The following GLCCI1 variants were observed in gnomAD, a reference collection of about 807,000 sequenced individuals.
GLCCI1 encodes the protein glucocorticoid induced 1, also known as glucocorticoid-induced transcript 1 protein.
In GLCCI1, 24 loss-of-function variants were observed where a neutral mutation model predicts 52.2. The observed-to-expected ratio is 0.46, with a 90% CI of 0.33 to 0.65. The LOEUF is 0.65. Ranked by LOEUF, GLCCI1 falls within the 30% of genes least tolerant of loss-of-function variation. GLCCI1 has a pLI of 0.02. For missense variants in GLCCI1, 704 were observed against 701.5 expected (o/e 1.00, Z -0.04); for synonymous variants, 310 against 276.5 (o/e 1.12, Z -1.20).
intron 1 of GLCCI1, among the ~76,000 whole-genome samples, chr7:7,971,218 A>C (rs1318904688): frequency 6.6e-6 from 1 of 152,212 alleles, no homozygotes; most frequent in Non-Finnish European, 1.5e-5. Flanking sequence ...GCTGCTGCAG[A>C]AACTGACATC....
chr7:8,039,869 C>G (rs564117518), intron 3 of GLCCI1, among the ~76,000 whole-genome samples: 3 of 151,952 alleles, frequency 2.0e-5, no homozygotes, highest in Non-Finnish European at 4.4e-5. Context: ...TGGTAGCGGG[C>G]TCCTGTAATC....
intron 6 of GLCCI1, among the ~76,000 whole-genome samples, chr7:8,076,261 C>T (rs1295157979): frequency 6.6e-6 from 1 of 152,144 alleles, no homozygotes; most frequent in Non-Finnish European, 1.5e-5. Flanking sequence ...AGAGCTACCA[C>T]ACCTTGAAAA....
intron 1 of GLCCI1, among the ~76,000 whole-genome samples, chr7:7,992,107 TTC>T (rs60234956): frequency 0.42 from 59,132 of 141,064 alleles, 12,526 homozygotes; most frequent in Middle Eastern, 0.51. Context: ...TTCTGTCTGT[TTC>T]TCTCTCTCTC....
rs1780793865 is a variant in GLCCI1 at position 7,989,212 on chromosome 7, G to A, written c.458-14696G>A. 3.3e-5 allele frequency among the ~76,000 whole-genome samples: 5 copies of A among 152,110 alleles called. No individual in the cohort carries two copies. The East Asian group carries it at 9.6e-4, about 29-fold the overall frequency. On this transcript the variant is annotated intron_variant, in intron 1 of 7. Transcript: ENST00000223145. Reference sequence around the variant, plus strand: ...AGCGGCTAGCATTACCACCCTTACTGTACTTTAGAGTTTGAAGAAGGTAGT... The same window carrying A: ...AGCGGCTAGCATTACCACCCTTACTATACTTTAGAGTTTGAAGAAGGTAGT...
intron 3 of GLCCI1, among the ~76,000 whole-genome samples, chr7:8,043,310 C>G (rs1782043782): frequency 6.7e-6 from 1 of 149,878 alleles, no homozygotes; most frequent in African/African-American, 2.5e-5. Context: ...AAAAGTATGC[C>G]TTCATTCAAC....
At chr7:8,054,726 G>A (rs1270861956) in intron 3 of GLCCI1, among the ~76,000 whole-genome samples, 1 of 151,944 alleles carries the variant, frequency 6.6e-6, no homozygotes, top group Non-Finnish European at 1.5e-5. Flanking sequence ...AATATTAAAT[G>A]ACTACCCCCA....
At chr7:8,026,098 C>T (rs1781613393) in intron 3 of GLCCI1, among the ~76,000 whole-genome samples, 1 of 152,032 alleles carries the variant, frequency 6.6e-6, no homozygotes, top group Admixed American at 6.6e-5. Flanking sequence ...ATAGCAGGTA[C>T]ATGAAATATA....
intron 6 of GLCCI1, among the ~76,000 whole-genome samples, chr7:8,083,974 A>T (rs577624372): frequency 4.9e-4 from 74 of 152,326 alleles, no homozygotes; most frequent in African/African-American, 1.7e-3. Flanking sequence ...TTCCCAATAG[A>T]TGAAAATAAT....
chr7:8,066,903 G>A (rs1782642002), intron 5 of GLCCI1, among the ~76,000 whole-genome samples: 1 of 152,030 alleles, frequency 6.6e-6, no homozygotes, highest in Admixed American at 6.5e-5. Flanking sequence ...CAGTTCATTT[G>A]GTCAAGTGTT....
rs73674756 is a variant in GLCCI1 at position 7,975,511 on chromosome 7, A to G, written c.457+5704A>G. Reference sequence around the variant, plus strand: ...TCATTCCAGATCCAGTGTTCATTCCATAAGACTATGCTGTTGCTCCTAACT... The same window carrying G: ...TCATTCCAGATCCAGTGTTCATTCCGTAAGACTATGCTGTTGCTCCTAACT... On this transcript the variant is annotated intron_variant, in intron 1 of 7. Coordinates refer to ENST00000223145, the MANE Select transcript of GLCCI1 (RefSeq NM_138426.4). 8.9e-3 allele frequency among the ~76,000 whole-genome samples: 1,359 copies of G among 152,338 alleles called. 16 individuals are homozygous for G. Among genetic ancestry groups the G allele is most frequent in the African/African-American group, 0.029 (1,219 of 41,574 alleles).
intron 1 of GLCCI1, among the ~76,000 whole-genome samples, chr7:7,986,381 AGGG>A (rs35143945): frequency 6.6e-6 from 1 of 150,600 alleles, no homozygotes; most frequent in Admixed American, 6.6e-5. Flanking sequence ...GAGCAGGGGG[AGGG>A]GGGGGTGGCA....
intron 6 of GLCCI1, among the ~76,000 whole-genome samples, chr7:8,075,631 A>G (rs577182480): frequency 6.6e-6 from 1 of 152,382 alleles, no homozygotes; most frequent in African/African-American, 2.4e-5. Context: ...TGTAGACTTC[A>G]GTCAGCTACT....
At chr7:8,035,717 A>T in intron 3 of GLCCI1, among the ~76,000 whole-genome samples, 1 of 152,172 alleles carries the variant, frequency 6.6e-6, no homozygotes, top group Non-Finnish European at 1.5e-5. Context: ...TGCAGTGTGG[A>T]TATAGACAGT....
chr7:8,020,906 G>A (rs1298942418), intron 2 of GLCCI1, among the ~76,000 whole-genome samples: 4 of 152,088 alleles, frequency 2.6e-5, no homozygotes, highest in African/African-American at 9.7e-5. Context: ...TTCAGAGTAC[G>A]TCATCTTATC....
chr7:8,052,349 A>G (rs13223417), intron 3 of GLCCI1, among the ~76,000 whole-genome samples: 3,618 of 152,296 alleles, frequency 0.024, 71 homozygotes, highest in East Asian at 0.09. Context: ...ATTACAGTTT[A>G]TGGATTGAAT....
rs894335803 is a variant in GLCCI1 at position 8,022,385 on chromosome 7, A to AC, written c.610-97dup. 220 of 552,064 alleles carry AC rather than the reference A, an allele frequency of 4.0e-4. No homozygotes were observed. In the African/African-American group the frequency reaches 4.2e-3, roughly 11 times the overall value. The allele number at this position is 552,064 out of a possible 1,614,324, so 34.2% of individuals were successfully genotyped here. On this transcript the variant is annotated intron_variant, in intron 2 of 7. Transcript: ENST00000223145. ...TAAAGGATTTTAGTATAGCTCTCTA[A>AC]CTGGTAAGTGCTAAGAATTTTAAAT...
Position 8,009,317 on chromosome 7 carries a change from G to T in GLCCI1, c.609+5258G>T, listed in dbSNP as rs569270736. ...CTCAGTCTTCACCCCATAGTCTGAGGTGTAGTCTCTGGACAAATTTTAAAT... is the reference window on the plus strand; with the variant it reads ...CTCAGTCTTCACCCCATAGTCTGAGTTGTAGTCTCTGGACAAATTTTAAAT... On this transcript the variant is annotated intron_variant, in intron 2 of 7. Coordinates refer to ENST00000223145, the MANE Select transcript of GLCCI1 (RefSeq NM_138426.4). Among the ~76,000 whole-genome samples the T allele has an allele frequency of 5.9e-5, 9 of 152,270 alleles. 1 individual carries two copies. The South Asian group carries it at 1.9e-3, about 32-fold the overall frequency.
intron 5 of GLCCI1, among the ~76,000 whole-genome samples, chr7:8,064,956 T>C (rs766730269): frequency 6.6e-6 from 1 of 152,154 alleles, no homozygotes; most frequent in Non-Finnish European, 1.5e-5. Flanking sequence ...GACCGCGTGA[T>C]CTGCCCACCT....
At chr7:8,072,300 G>A (rs1418528842) in intron 6 of GLCCI1, among the ~76,000 whole-genome samples, 1 of 152,116 alleles carries the variant, frequency 6.6e-6, no homozygotes, top group Non-Finnish European at 1.5e-5. Flanking sequence ...GATATTAAAT[G>A]GAAGCTACTT....
Sources: gnomAD v4.1 joint callset for allele counts (sites outside exome capture counted in the v4.1 genomes callset) on GRCh38, gnomAD v4.1.1 for gene constraint, MANE v1.5 for transcripts, NCBI Gene and HGNC (gene_info 2026-07-23, HGNC 2026-07-21) for gene names.